STK33: variants seen among roughly 807,000 people sequenced by gnomAD.
STK33 encodes serine/threonine kinase 33, also known as serine/threonine-protein kinase 33.
STK33 carries 52 observed loss-of-function variants against 58.0 expected under a neutral mutation model. That is an observed-to-expected ratio of 0.90 (90% CI 0.72 to 1.13). The LOEUF (loss-of-function observed/expected upper bound fraction) is 1.13, where lower values mean the gene tolerates loss of function less well. Among genes scored for constraint, STK33 ranks in the 50% most tolerant of loss-of-function variants. The probability of loss-of-function intolerance (pLI) is 0.00; values close to 1 mark genes in which losing one functional copy is unlikely to be tolerated. For missense variants in STK33, 630 were observed against 604.2 expected (o/e 1.04, Z -0.45); for synonymous variants, 215 against 200.1 (o/e 1.07, Z -0.63).
intron 11 of STK33, among the ~76,000 whole-genome samples, chr11:8,441,057 G>T (rs939119493): frequency 1.3e-5 from 2 of 152,130 alleles, no homozygotes; most frequent in Non-Finnish European, 2.9e-5. Flanking sequence ...TATAGTAGAA[G>T]ACAACAATAT....
the STK33 span, among the ~76,000 whole-genome samples, chr11:8,381,667 G>A: frequency 3.2e-4 from 48 of 152,130 alleles, no homozygotes; most frequent in Non-Finnish European, 5.7e-4. Context: ...CCCTGTCCCT[G>A]GGCCTTGCTG....
intron 1 of STK33, among the ~76,000 whole-genome samples, chr11:8,535,716 T>C (rs1228838761): frequency 2.0e-5 from 3 of 152,080 alleles, no homozygotes; most frequent in Non-Finnish European, 4.4e-5. Context: ...TTACTATCAA[T>C]GCAGTAATCC....
intron 1 of STK33, among the ~76,000 whole-genome samples, chr11:8,530,078 G>A (rs780706462): frequency 4.6e-5 from 7 of 152,186 alleles, no homozygotes; most frequent in Non-Finnish European, 8.8e-5. Context: ...TGCTCCTTAG[G>A]ATGGAAGAGA....
intron 2 of STK33, among the ~76,000 whole-genome samples, chr11:8,479,921 T>C (rs762270978): frequency 3.3e-5 from 5 of 152,064 alleles, no homozygotes; most frequent in African/African-American, 9.7e-5. Flanking sequence ...TTATACATAA[T>C]AGGCACTCAA....
chr11:8,458,996 T>C (rs1947205813), intron 8 of STK33, among the ~76,000 whole-genome samples: 1 of 152,278 alleles, frequency 6.6e-6, no homozygotes, highest in East Asian at 1.9e-4. Flanking sequence ...ATCTAACACA[T>C]AAATAAGCTT....
intron 1 of STK33, among the ~76,000 whole-genome samples, chr11:8,566,809 A>G (rs1454519593): frequency 1.3e-5 from 2 of 152,222 alleles, no homozygotes; most frequent in African/African-American, 4.8e-5. Flanking sequence ...GAAATTTTTT[A>G]AATTACTGAG....
At chr11:8,441,576 C>G (rs1156785980) in intron 11 of STK33, among the ~76,000 whole-genome samples, 1 of 152,024 alleles carries the variant, frequency 6.6e-6, no homozygotes, top group East Asian at 1.9e-4. Context: ...AGGCTGGCCT[C>G]AAACTCCTGG....
chr11:8,474,625 A>G (rs2137896726), intron 5 of STK33, 56 bp downstream of exon 5: 1 of 1,276,952 alleles, frequency 7.8e-7, no homozygotes, highest in Non-Finnish European at 1.1e-6. Flanking sequence ...AGCTAGGAGT[A>G]CCATTAGGGA....
intron 1 of STK33, among the ~76,000 whole-genome samples, chr11:8,538,927 T>C (rs951253399): frequency 6.6e-6 from 1 of 152,196 alleles, no homozygotes; most frequent in African/African-American, 2.4e-5. Flanking sequence ...AATGAACCAC[T>C]GCTATCTGGC....
chr11:8,436,024 T>G lies in STK33; in HGVS notation c.1060+3A>C. 1 of 1,550,930 alleles carries G rather than the reference T, an allele frequency of 6.4e-7. No homozygotes were observed. The highest frequency in any genetic ancestry group is 8.7e-7 in the Non-Finnish European group (1 of 1,144,770). On this transcript the variant is annotated splice_donor_region_variant and intron_variant, in intron 13 of 15. Coordinates refer to ENST00000687296, the MANE Select transcript of STK33 (RefSeq NM_001352389.2). Reference sequence around the variant, plus strand: ...TAGTAAATAATAACGCATCTATACTTACCACAGTCACTTATGGAATTCCAG... The same window carrying G: ...TAGTAAATAATAACGCATCTATACTGACCACAGTCACTTATGGAATTCCAG...
chr11:8,517,584 A>C (rs1458378254), intron 1 of STK33, among the ~76,000 whole-genome samples: 1 of 152,184 alleles, frequency 6.6e-6, no homozygotes, highest in Non-Finnish European at 1.5e-5. Context: ...AGAAGCTAAA[A>C]ACCTTGAAAA....
At chr11:8,476,092 T>C (rs1949245744) in intron 4 of STK33, among the ~76,000 whole-genome samples, 1 of 152,188 alleles carries the variant, frequency 6.6e-6, no homozygotes, top group African/African-American at 2.4e-5. Context: ...ATATTGCTAG[T>C]AGTTTACCTA....
At position 8,392,483 on chromosome 11, in the gene STK33, T is replaced by C. The variant is rs1277676273; in HGVS notation, c.*27A>G. ...AGTGCTAACAAGAGCAGCTTTGTTT[T>C]TGTACTGTCCAACACTGGAGGGAAC... On this transcript the variant is annotated 3_prime_UTR_variant, in exon 16 of 16. Transcript: ENST00000687296. 2.5e-6 allele frequency: 4 copies of C among 1,613,096 alleles called. No homozygotes were observed. The African/African-American group carries it at 5.3e-5, about 22-fold the overall frequency.
the STK33 span, among the ~76,000 whole-genome samples, chr11:8,348,258 C>T: frequency 6.6e-6 from 1 of 152,174 alleles, no homozygotes; most frequent in African/African-American, 2.4e-5. Flanking sequence ...TAAAGACATA[C>T]CTGAGACTGG....
chr11:8,376,108 G>A, the STK33 span, among the ~76,000 whole-genome samples: 1 of 152,188 alleles, frequency 6.6e-6, no homozygotes, highest in African/African-American at 2.4e-5. Context: ...AGGCTCCAGG[G>A]GAATGAGCGG....
chr11:8,343,122 A>G, the STK33 span, among the ~76,000 whole-genome samples: 1 of 152,278 alleles, frequency 6.6e-6, no homozygotes, highest in African/African-American at 2.4e-5. Flanking sequence ...TACTCTCCTC[A>G]TGGCCCAGAG....
intron 11 of STK33, among the ~76,000 whole-genome samples, chr11:8,441,502 C>G (rs1016556496): frequency 2.0e-5 from 3 of 152,122 alleles, no homozygotes; most frequent in Non-Finnish European, 4.4e-5. Context: ...CAGGTGCATA[C>G]TATCATGCCT....
At chr11:8,555,407 T>TGC (rs948463020) in intron 1 of STK33, among the ~76,000 whole-genome samples, 73 of 152,332 alleles carry the variant, frequency 4.8e-4, no homozygotes, top group African/African-American at 1.8e-3. Context: ...CTCCCACCTG[T>TGC]AATCCTAGCA....
At position 8,392,812 on chromosome 11, in the gene STK33, C is replaced by T. The variant is rs148617956; in HGVS notation, c.1345-102G>A. The T allele has an allele frequency of 3.1e-4, 363 of 1,165,018 alleles. 4 individuals are homozygous for T. In the East Asian group the frequency reaches 7.9e-3, roughly 25 times the overall value. The allele number at this position is 1,165,018 out of a possible 1,614,324, so 72.2% of individuals were successfully genotyped here. On this transcript the variant is annotated intron_variant, in intron 15 of 15. Transcript: ENST00000687296. ...GTTGTCCAGGATTTGCAAGTTGGAG[C>T]CCTCTCTAGATATAGGGTCCAAACT...
Sources: gnomAD v4.1 joint callset for allele counts (sites outside exome capture counted in the v4.1 genomes callset) on GRCh38, gnomAD v4.1.1 for gene constraint, MANE v1.5 for transcripts, NCBI Gene and HGNC (gene_info 2026-07-23, HGNC 2026-07-21) for gene names.